Variants in C9orf78 observed in about 807,000 individuals in gnomAD.
C9orf78 encodes chromosome 9 open reading frame 78, also known as splicing factor C9orf78.
Under a neutral mutation model 37.4 loss-of-function variants are expected in C9orf78, and 19 were observed. The ratio of observed to expected loss-of-function variants is 0.51; its 90% confidence interval spans 0.35 to 0.74. The LOEUF (loss-of-function observed/expected upper bound fraction) is 0.74, where lower values mean the gene tolerates loss of function less well. C9orf78 is among the 30% of genes least tolerant of loss of function. C9orf78 has a pLI of 0.01. For synonymous variants in C9orf78, 130 were observed against 128.0 expected (o/e 1.02, Z -0.10); for missense variants, 291 against 370.8 (o/e 0.78, Z 1.77).
chr9:129,831,094 A>G, intron 5 of C9orf78, 26 bp from the exon 6 acceptor site: 1 of 1,484,414 alleles, frequency 6.7e-7, no homozygotes, highest in Admixed American at 1.7e-5. Context: ...CAGAGGCCTC[A>G]GGGAGGGGTG....
At chr9:129,828,637 C>T (rs1349448437) in intron 8 of C9orf78, 2 of 215,436 alleles carry the variant, frequency 9.3e-6, no homozygotes, top group Non-Finnish European at 1.9e-5. Context: ...TGGCCAGGCT[C>T]GTCTTGAACT....
intron 4 of C9orf78, among the ~76,000 whole-genome samples, chr9:129,832,407 T>C (rs746006268): frequency 7.2e-5 from 11 of 152,234 alleles, no homozygotes; most frequent in Non-Finnish European, 8.8e-5. Flanking sequence ...CAGTAAACTT[T>C]TATTTTTTTA....
At position 129,833,449 on chromosome 9, in the gene C9orf78, A is replaced by G. The variant is rs768752228; in HGVS notation, c.264T>C (p.Asp88=). Reference sequence around the variant, plus strand: ...ATCTAAGCTTGTCCTGAACTTACTTATCTTTGCCCCTTTCCTTCAGTTTCT... The same window carrying G: ...ATCTAAGCTTGTCCTGAACTTACTTGTCTTTGCCCCTTTCCTTCAGTTTCT... ...DMKKLKERGK[D]KISEEEDLHL... is the part of the protein sequence containing the mutation. Residue 88 remains aspartate, a splice_region_variant and synonymous_variant, in exon 4 of 9, where the codon GAT becomes GAC. Transcript: ENST00000372447. 6.3e-7 allele frequency: 1 copy of G among 1,582,230 alleles called. No individual in the cohort carries two copies. The highest frequency in any genetic ancestry group is 8.7e-7 in the Non-Finnish European group (1 of 1,150,952).
chr9:129,829,599 A>T (rs2031439651), intron 6 of C9orf78, 58 bp from the exon 7 acceptor site: 5 of 1,493,092 alleles, frequency 3.3e-6, no homozygotes, highest in Non-Finnish European at 2.8e-6. Context: ...CTACTCAGAC[A>T]TGAGTGGTGA....
intron 4 of C9orf78, among the ~76,000 whole-genome samples, chr9:129,833,005 G>GTATATATATA (rs1409942057): frequency 1.2e-4 from 17 of 142,834 alleles, no homozygotes; most frequent in African/African-American, 4.2e-4. Context: ...ATATGTGTGT[G>GTATATATATA]TGTGTGTGTG....
chr9:129,831,119 G>C, intron 5 of C9orf78, 51 bp from the exon 6 acceptor site: 1 of 1,156,126 alleles, frequency 8.6e-7, no homozygotes, highest in Non-Finnish European at 1.3e-6. Context: ...ACACACACCA[G>C]GTGTCCTCTA....
chr9:129,833,016 T>TATATGTGTATATACATGTGTGTATATAC (rs2031545538), intron 4 of C9orf78, among the ~76,000 whole-genome samples: 4 of 131,652 alleles, frequency 3.0e-5, no homozygotes, highest in African/African-American at 5.1e-5. Context: ...TGTGTGTGTG[T>TATATGTGTATATACATGTGTGTATATAC]ATATGTGTAT....
At chr9:129,832,987 A>G (rs572636113) in intron 4 of C9orf78, among the ~76,000 whole-genome samples, 39 of 101,848 alleles carry the variant, frequency 3.8e-4, no homozygotes, top group South Asian at 6.3e-4. Context: ...GCGTGTGTGT[A>G]TATATATATA....
At chr9:129,834,355 G>C (rs962364562) in intron 2 of C9orf78, 1 of 262,266 alleles carries the variant, frequency 3.8e-6, no homozygotes, top group African/African-American at 2.2e-5. Flanking sequence ...TGTTAACACT[G>C]ATCATTTCCG....
chr9:129,828,332 A>G, intron 8 of C9orf78, 80 bp from the exon 9 acceptor site: 1 of 842,630 alleles, frequency 1.2e-6, no homozygotes. Context: ...GGCAAAGACA[A>G]CTGCCTGTTT....
At chr9:129,832,956 T>C (rs763996583) in intron 4 of C9orf78, among the ~76,000 whole-genome samples, 6 of 151,822 alleles carry the variant, frequency 4.0e-5, no homozygotes, top group Non-Finnish European at 8.8e-5. Context: ...CACCCAGATA[T>C]ATACACACAC....
At chr9:129,834,932 G>C (rs1225388353) in intron 1 of C9orf78, 166 bp from the exon 2 acceptor site, 1 of 671,202 alleles carries the variant, frequency 1.5e-6, no homozygotes, top group Non-Finnish European at 2.6e-6. Flanking sequence ...CCGGGAGTCA[G>C]AGCCACTGCG....
intron 5 of C9orf78, chr9:129,831,399 A>T (rs533957471): frequency 3.1e-6 from 1 of 325,848 alleles, no homozygotes; most frequent in Non-Finnish European, 5.6e-6. Flanking sequence ...ATTACTAGTC[A>T]TGAAACCACC....
intron 8 of C9orf78, chr9:129,828,829 C>T (rs568948055): frequency 5.3e-5 from 19 of 360,372 alleles, no homozygotes; most frequent in South Asian, 2.5e-4. Context: ...CTCTTAGTCT[C>T]AAGCAATCCT....
intron 5 of C9orf78, 117 bp from the exon 6 acceptor site, chr9:129,831,185 G>GAAAAAAA: frequency 1.4e-6 from 1 of 699,848 alleles, no homozygotes; most frequent in Non-Finnish European, 2.5e-6. Context: ...GGAGAAACGA[G>GAAAAAAA]AAAAAAAATA....
In C9orf78 at chr9:129,833,506, A is replaced by C; in HGVS notation, c.207T>G (p.Phe69Leu). 1 of 1,602,492 alleles carries C rather than the reference A, an allele frequency of 6.2e-7. No individual in the cohort carries two copies. Among genetic ancestry groups the C allele is most frequent in the South Asian group, 1.1e-5 (1 of 90,852 alleles). ...QEETTLVDDP[F>L]QMKTGGMVDM... ...CCACCATACCACCTGTCTTCATCTGAAAGGGATCATCCTGCAGAAAGCAAA... is the reference window on the plus strand; with the variant it reads ...CCACCATACCACCTGTCTTCATCTGCAAGGGATCATCCTGCAGAAAGCAAA... The change falls in exon 4 of 9, where the codon TTT becomes TTG. Residue 69 changes from phenylalanine (F) to leucine (L), a missense_variant. Phe to Leu is a conservative substitution (Grantham distance 22). Transcript: ENST00000372447.
chr9:129,829,578 A>T, intron 6 of C9orf78, 37 bp from the exon 7 acceptor site: 3 of 1,596,674 alleles, frequency 1.9e-6, no homozygotes, highest in Non-Finnish European at 2.6e-6. Context: ...TTAGAAGATG[A>T]TAGCACCTTA....
At position 129,834,773 on chromosome 9, in the gene C9orf78, AAAG is replaced by A. The variant is rs112226116; in HGVS notation, c.84-10_84-8del. ...GGTCTCTTCCAGTTTTAATCTTTAA[AAAG>A]AAGAAGAAGCAGCAATGCATAAGCT... On this transcript the variant is annotated splice_polypyrimidine_tract_variant and splice_region_variant and intron_variant, in intron 1 of 8. Coordinates refer to ENST00000372447, the MANE Select transcript of C9orf78 (RefSeq NM_016520.3). 1,999 of 1,603,990 alleles carry A rather than the reference AAAG, an allele frequency of 1.2e-3. 3 individuals carry two copies. The highest frequency in any genetic ancestry group is 1.5e-3 in the Non-Finnish European group (1,723 of 1,171,886).
chr9:129,831,629 G>A, intron 5 of C9orf78: 1 of 362,868 alleles, frequency 2.8e-6, no homozygotes, highest in Non-Finnish European at 5.1e-6. Flanking sequence ...TCTCCATGTT[G>A]GTCAGTCTGG....
Sources: allele counts gnomAD v4.1 joint callset (sites outside exome capture counted in the v4.1 genomes callset), GRCh38; gene constraint gnomAD v4.1.1; transcripts MANE v1.5; gene names NCBI Gene and HGNC (gene_info 2026-07-23, HGNC 2026-07-21).